CHRNA7: variants seen among roughly 807,000 people sequenced by gnomAD.
CHRNA7 encodes the protein neuronal acetylcholine receptor subunit alpha-7.
A neutral mutation model predicts 48.0 loss-of-function variants in CHRNA7; 17 were observed. The ratio of observed to expected loss-of-function variants is 0.35; its 90% CI spans 0.24 to 0.53. The LOEUF (loss-of-function observed/expected upper bound fraction) is 0.53. Among genes scored for constraint, CHRNA7 ranks in the 20% least tolerant of loss-of-function variants. CHRNA7 has a pLI of 0.92. For missense variants in CHRNA7, 155 were observed against 577.7 expected (o/e 0.27, Z 7.50); for synonymous variants, 75 against 242.3 (o/e 0.31, Z 6.41).
chr15:32,038,082 A>G (rs982841879), intron 2 of CHRNA7, among the ~76,000 whole-genome samples: 1 of 146,168 alleles, frequency 6.8e-6, no homozygotes, highest in African/African-American at 2.5e-5. Context: ...AAATATACAT[A>G]TGTACATACA....
intron 2 of CHRNA7, among the ~76,000 whole-genome samples, chr15:32,038,975 T>G (rs927736331): frequency 6.6e-6 from 1 of 152,198 alleles, no homozygotes; most frequent in African/African-American, 2.4e-5. Context: ...GTTTATTTCT[T>G]CTTGTTTGAG....
At chr15:32,110,928 C>T (rs554037933) in intron 3 of CHRNA7, among the ~76,000 whole-genome samples, 1 of 152,104 alleles carries the variant, frequency 6.6e-6, no homozygotes, top group Non-Finnish European at 1.5e-5. Flanking sequence ...ACCAGGGGGA[C>T]AGAATACAGG....
intron 2 of CHRNA7, among the ~76,000 whole-genome samples, chr15:32,080,291 T>G (rs768995919): frequency 2.0e-5 from 3 of 151,986 alleles, no homozygotes; most frequent in Non-Finnish European, 4.4e-5. Flanking sequence ...AAAACAAAAA[T>G]TAACAAATGG....
chr15:32,146,063 A>G (rs868143662), intron 4 of CHRNA7, among the ~76,000 whole-genome samples: 3 of 152,238 alleles, frequency 2.0e-5, no homozygotes, highest in Non-Finnish European at 4.4e-5. Context: ...ACTCCTATGT[A>G]TAAGTCTTAA....
rs138740660 is a variant in CHRNA7 at position 32,090,016 on chromosome 15, T to A, written c.196-11287T>A. The stretch of plus-strand genomic sequence containing the variant: ...GTTCACAGTAGTTATACTGGACCCC[T>A]GTTGGTGGGGTGGTAGGTGGGGATG... On this transcript the variant is annotated intron_variant, in intron 2 of 9. Coordinates refer to ENST00000306901, the MANE Select transcript of CHRNA7 (RefSeq NM_000746.6). Among the ~76,000 whole-genome samples, 568 of 152,302 alleles carry A rather than the reference T, an allele frequency of 3.7e-3. 4 individuals carry two copies. The highest frequency in any genetic ancestry group is 0.013 in the African/African-American group (534 of 41,570).
intron 2 of CHRNA7, among the ~76,000 whole-genome samples, chr15:32,041,831 G>T (rs1327663448): frequency 1.3e-5 from 2 of 152,116 alleles, no homozygotes; most frequent in Admixed American, 1.3e-4. Flanking sequence ...CATTATTTTT[G>T]ATTGCTGGAA....
At chr15:32,152,173 G>A (rs1390998944) in intron 4 of CHRNA7, among the ~76,000 whole-genome samples, 2 of 152,024 alleles carry the variant, frequency 1.3e-5, no homozygotes, top group Admixed American at 6.6e-5. Flanking sequence ...GGCTAGGCGC[G>A]GTGGCTCAGC....
chr15:32,141,561 A>G (rs2051379165), intron 4 of CHRNA7, among the ~76,000 whole-genome samples: 1 of 152,208 alleles, frequency 6.6e-6, no homozygotes, highest in Non-Finnish European at 1.5e-5. Context: ...TGAGCATGGA[A>G]TGCTCTTCCA....
chr15:32,149,364 C>A lies in CHRNA7; in HGVS notation c.351-4543C>A, dbSNP rs963149969. Among the ~76,000 whole-genome samples, 1 of 152,180 alleles carries A rather than the reference C, an allele frequency of 6.6e-6. No homozygotes were observed. The highest frequency in any genetic ancestry group is 1.5e-5 in the Non-Finnish European group (1 of 68,044). On this transcript the variant is annotated intron_variant, in intron 4 of 9. Transcript: ENST00000306901. This position sits in a 1 kb window ranked among gnomAD's most constrained non-coding sequence, Gnocchi z 4.6. ...CTGTTGGCTGGCATCTGTCGGGCAT[C>A]CCCGGGGAAGCTGCGCCGGTGCTGT...
At chr15:32,067,720 A>G (rs577110762) in intron 2 of CHRNA7, among the ~76,000 whole-genome samples, 1 of 152,364 alleles carries the variant, frequency 6.6e-6, no homozygotes, top group Non-Finnish European at 1.5e-5. Context: ...CATACAGTGT[A>G]TATAAATGTA....
At chr15:32,097,159 A>T (rs8036104) in intron 2 of CHRNA7, among the ~76,000 whole-genome samples, 1 of 151,964 alleles carries the variant, frequency 6.6e-6, no homozygotes, top group Non-Finnish European at 1.5e-5. Flanking sequence ...CACAGAAGCC[A>T]ATTGCCTGCT....
chr15:32,148,993 GC>G (rs1453749959), intron 4 of CHRNA7, among the ~76,000 whole-genome samples: 3 of 152,096 alleles, frequency 2.0e-5, no homozygotes, highest in African/African-American at 7.2e-5. Context: ...AGTTACATTT[GC>G]CCCAGTCACC....
chr15:32,114,022 A>ATATATATATATATATATGTATATG (rs2050808377), intron 4 of CHRNA7, among the ~76,000 whole-genome samples: 1 of 26,908 alleles, frequency 3.7e-5, no homozygotes, highest in African/African-American at 9.5e-5. Context: ...ATCTCCAAAT[A>ATATATATATATATATATGTATATG]TATATATATA....
intron 4 of CHRNA7, among the ~76,000 whole-genome samples, chr15:32,147,026 T>C (rs2051503010): frequency 6.6e-6 from 1 of 152,172 alleles, no homozygotes; most frequent in South Asian, 2.1e-4. Context: ...GGAACAAAAA[T>C]AGGGAGTCCA....
intron 4 of CHRNA7, among the ~76,000 whole-genome samples, chr15:32,137,349 CAA>C (rs1206472711): frequency 2.1e-4 from 31 of 148,804 alleles, no homozygotes; most frequent in Admixed American, 1.5e-3. Context: ...CCCCCCCACA[CAA>C]ACACAGTAAG....
intron 2 of CHRNA7, among the ~76,000 whole-genome samples, chr15:32,047,014 G>C (rs2049562760): frequency 6.8e-6 from 1 of 147,192 alleles, no homozygotes; most frequent in Admixed American, 6.8e-5. Flanking sequence ...GCTCTGTTCT[G>C]TTCCATTGGT....
At chr15:32,089,438 G>A in intron 2 of CHRNA7, among the ~76,000 whole-genome samples, 1 of 151,344 alleles carries the variant, frequency 6.6e-6, no homozygotes. Flanking sequence ...TTTTTCTTTT[G>A]AAACTTTACA....
intron 2 of CHRNA7, among the ~76,000 whole-genome samples, chr15:32,044,253 C>CTCCCTCCTTCCTTCCTTCCT (rs1555373124): frequency 7.1e-6 from 1 of 140,918 alleles, no homozygotes; most frequent in Admixed American, 7.3e-5. Flanking sequence ...CGATCTTTTC[C>CTCCCTCCTTCCTTCCTTCCT]TCCTTCCTTC....
chr15:32,116,272 G>A (rs945651770), intron 4 of CHRNA7, among the ~76,000 whole-genome samples: 7 of 152,166 alleles, frequency 4.6e-5, no homozygotes, highest in Admixed American at 1.3e-4. Flanking sequence ...GAGTCCCCAC[G>A]TGAGTCACTA....
Sources: gnomAD v4.1 joint callset for allele counts (sites outside exome capture counted in the v4.1 genomes callset) on GRCh38, gnomAD v4.1.1 for gene constraint, Gnocchi (gnomAD v3.1) non-coding constraint, MANE v1.5 for transcripts, NCBI Gene and HGNC (gene_info 2026-07-23, HGNC 2026-07-21) for gene names.